Variants in ZNF385B observed in about 807,000 individuals in gnomAD.
ZNF385B encodes zinc finger protein 385B, also known as zinc finger protein 533.
In ZNF385B, 23 loss-of-function variants were observed where a neutral mutation model predicts 39.2. The ratio of observed to expected loss-of-function variants is 0.59; its 90% CI spans 0.42 to 0.83. The LOEUF (loss-of-function observed/expected upper bound fraction) is 0.83, where lower values mean the gene tolerates loss of function less well. Among genes scored for constraint, ZNF385B ranks in the 40% least tolerant of loss-of-function variants. The probability of loss-of-function intolerance (pLI) is 0.00; values close to 1 mark genes in which losing one functional copy is unlikely to be tolerated. For missense variants in ZNF385B, 552 were observed against 598.9 expected (o/e 0.92, Z 0.82); for synonymous variants, 205 against 222.6 (o/e 0.92, Z 0.70).
chr2:179,599,466 T>C (rs1261641864), intron 3 of ZNF385B, among the ~76,000 whole-genome samples: 2 of 152,204 alleles, frequency 1.3e-5, no homozygotes, highest in African/African-American at 2.4e-5. Context: ...CTTAGGGAAA[T>C]GCTTTAATCT....
chr2:179,653,313 A>G (rs956261), intron 3 of ZNF385B, among the ~76,000 whole-genome samples: 30,494 of 152,168 alleles, frequency 0.2, 3,368 homozygotes, highest in Admixed American at 0.25. Flanking sequence ...AGAAGAAGAG[A>G]GAAGTCAGGG....
chr2:179,652,890 A>C (rs2106251517), intron 3 of ZNF385B, among the ~76,000 whole-genome samples: 1 of 151,774 alleles, frequency 6.6e-6, no homozygotes, highest in Admixed American at 6.6e-5. Flanking sequence ...TTTCTAGAAG[A>C]GTCTCTGAGT....
intron 3 of ZNF385B, among the ~76,000 whole-genome samples, chr2:179,617,939 A>C (rs1472485659): frequency 2.6e-5 from 4 of 152,192 alleles, no homozygotes; most frequent in Admixed American, 6.6e-5. Context: ...AGCATTAGCT[A>C]TGCTAGGAGC....
intron 1 of ZNF385B, among the ~76,000 whole-genome samples, chr2:179,775,159 A>G (rs553463210): frequency 5.3e-5 from 8 of 152,324 alleles, no homozygotes; most frequent in Non-Finnish European, 1.0e-4. Context: ...CTAAAAGGTC[A>G]GTAGAGAGGG....
At chr2:179,638,554 G>A (rs1691970673) in intron 3 of ZNF385B, among the ~76,000 whole-genome samples, 1 of 152,098 alleles carries the variant, frequency 6.6e-6, no homozygotes, top group African/African-American at 2.4e-5. Context: ...TGTAGACCCA[G>A]TAATGCTGAA....
intron 3 of ZNF385B, among the ~76,000 whole-genome samples, chr2:179,557,405 G>C (rs2060978053): frequency 6.7e-6 from 1 of 149,876 alleles, no homozygotes; most frequent in African/African-American, 2.5e-5. Context: ...AGCCAGTGTG[G>C]CCAAAAGCCA....
At chr2:179,849,223 T>C (rs1323242009) in intron 1 of ZNF385B, among the ~76,000 whole-genome samples, 1 of 152,166 alleles carries the variant, frequency 6.6e-6, no homozygotes, top group Non-Finnish European at 1.5e-5. Flanking sequence ...TTCAGGAGAA[T>C]ACCATGCAAA....
chr2:179,741,864 G>C (rs1014823538), intron 3 of ZNF385B, among the ~76,000 whole-genome samples: 1 of 152,020 alleles, frequency 6.6e-6, no homozygotes, highest in Non-Finnish European at 1.5e-5. Context: ...GTGGGTGGCA[G>C]TCAGAACTAA....
chr2:179,645,384 C>T (rs1248692978), intron 3 of ZNF385B, among the ~76,000 whole-genome samples: 1 of 152,206 alleles, frequency 6.6e-6, no homozygotes, highest in Non-Finnish European at 1.5e-5. Flanking sequence ...TGTCAAATAA[C>T]TATCAATCTG....
At chr2:179,822,226 G>T (rs769560392) in intron 1 of ZNF385B, among the ~76,000 whole-genome samples, 1 of 152,172 alleles carries the variant, frequency 6.6e-6, no homozygotes, top group Non-Finnish European at 1.5e-5. Context: ...GAGGTAGATT[G>T]CCTGTCAACT....
intron 4 of ZNF385B, among the ~76,000 whole-genome samples, chr2:179,522,692 AAT>A (rs2058589543): frequency 2.1e-5 from 1 of 47,816 alleles, no homozygotes; most frequent in Non-Finnish European, 4.9e-5. Flanking sequence ...AAATGTTTAT[AAT>A]ATATCTTTTA....
At chr2:179,677,944 T>C (rs1697070271) in intron 3 of ZNF385B, among the ~76,000 whole-genome samples, 1 of 152,286 alleles carries the variant, frequency 6.6e-6, no homozygotes, top group Non-Finnish European at 1.5e-5. Context: ...TCTGAGCAGA[T>C]ACATACCACA....
intron 3 of ZNF385B, among the ~76,000 whole-genome samples, chr2:179,555,935 T>C (rs1205543070): frequency 6.7e-6 from 1 of 149,408 alleles, no homozygotes; most frequent in Non-Finnish European, 1.5e-5. Flanking sequence ...ATAAATCCTT[T>C]TGAGCACTGC....
chr2:179,676,126 C>T (rs9989898), intron 3 of ZNF385B, among the ~76,000 whole-genome samples: 56,653 of 149,254 alleles, frequency 0.38, 10,766 homozygotes, highest in Admixed American at 0.45. Context: ...TTTCGCTTTG[C>T]CGCCCAGGCT....
chr2:179,628,977 C>A (rs2106183760), intron 3 of ZNF385B, among the ~76,000 whole-genome samples: 1 of 152,294 alleles, frequency 6.6e-6, no homozygotes, highest in Middle Eastern at 3.4e-3. Flanking sequence ...TATGCACTAA[C>A]AGATGTTAAT....
chr2:179,807,728 T>C (rs1706451497), intron 1 of ZNF385B, among the ~76,000 whole-genome samples: 1 of 151,854 alleles, frequency 6.6e-6, no homozygotes, highest in Non-Finnish European at 1.5e-5. Flanking sequence ...ACCCCGTCTC[T>C]ACTAAAAATA....
At chr2:179,475,998 CAG>C (rs1364725308) in intron 6 of ZNF385B, among the ~76,000 whole-genome samples, 2 of 110,806 alleles carry the variant, frequency 1.8e-5, no homozygotes, top group African/African-American at 7.2e-5. Flanking sequence ...GCCTGGGCAA[CAG>C]AGTGAGCCTC....
In ZNF385B at chr2:179,483,254, AC is replaced by A. The variant is rs756433253; in HGVS notation, c.715+17del. On this transcript the variant is annotated intron_variant, in intron 6 of 9. Coordinates refer to ENST00000410066, the MANE Select transcript of ZNF385B (RefSeq NM_152520.6). ...AGGAGAAACACAAAGAATGTAAAGA[AC>A]AAAAAGTGTCATTGACCTGATTTGT... 1 of 1,613,500 alleles carries A rather than the reference AC, an allele frequency of 6.2e-7. No individual in the cohort carries two copies. The highest frequency in any genetic ancestry group is 8.5e-7 in the Non-Finnish European group (1 of 1,179,652).
chr2:179,786,067 A>C (rs1704980425), intron 1 of ZNF385B, among the ~76,000 whole-genome samples: 1 of 152,160 alleles, frequency 6.6e-6, no homozygotes, highest in South Asian at 2.1e-4. Context: ...AGCAGTCAAC[A>C]CTGAGGTAAA....
Sources: allele counts gnomAD v4.1 joint callset (sites outside exome capture counted in the v4.1 genomes callset), GRCh38; gene constraint gnomAD v4.1.1; transcripts MANE v1.5; gene names NCBI Gene and HGNC (gene_info 2026-07-23, HGNC 2026-07-21).